Variants in PCDH15 observed in about 807,000 individuals in gnomAD.
PCDH15 encodes protocadherin related 15, also known as protocadherin-15.
PCDH15 carries 129 observed loss-of-function variants against 178.5 expected under a neutral mutation model. The ratio of observed to expected loss-of-function variants is 0.72; its 90% confidence interval spans 0.63 to 0.84. The LOEUF (loss-of-function observed/expected upper bound fraction) is 0.84. PCDH15 is among the 40% of genes least tolerant of loss of function. The pLI, the probability that PCDH15 is intolerant of heterozygous loss-of-function variation, is 0.00. For synonymous variants in PCDH15, 800 were observed against 732.0 expected, an observed-to-expected ratio of 1.09 and a Z score of -1.50; for missense variants, 2,230 against 2,099.9, an observed-to-expected ratio of 1.06 and a Z score of -1.21.
chr10:54,784,983 C>T (rs1950707130), intron 1 of PCDH15, among the ~76,000 whole-genome samples: 1 of 151,816 alleles, frequency 6.6e-6, no homozygotes, highest in East Asian at 1.9e-4. Flanking sequence ...GTCATCAGTC[C>T]TTCTCTAAGC....
At chr10:54,092,349 A>G (rs1345326199) in intron 15 of PCDH15, among the ~76,000 whole-genome samples, 1 of 152,142 alleles carries the variant, frequency 6.6e-6, no homozygotes, top group Non-Finnish European at 1.5e-5. Context: ...TCCTCACAAT[A>G]GTCAATTTTC....
chr10:54,088,073 A>C (rs552739896), intron 16 of PCDH15, among the ~76,000 whole-genome samples: 1 of 152,282 alleles, frequency 6.6e-6, no homozygotes, highest in Non-Finnish European at 1.5e-5. Flanking sequence ...ACCGTGAGGC[A>C]ATTCAACCTC....
At chr10:54,205,555 C>T (rs545375797) in intron 10 of PCDH15, among the ~76,000 whole-genome samples, 3 of 143,768 alleles carry the variant, frequency 2.1e-5, no homozygotes, top group East Asian at 3.9e-4. Context: ...ATAACCTGTG[C>T]TCCATGAATC....
chr10:54,961,092 C>A (rs1420019418), intron 2 of PCDH15, among the ~76,000 whole-genome samples: 4 of 152,206 alleles, frequency 2.6e-5, no homozygotes, highest in South Asian at 2.1e-4. Context: ...GTTGTGACTG[C>A]CCGTCTGGAG....
intron 18 of PCDH15, among the ~76,000 whole-genome samples, chr10:54,030,414 G>A (rs531916437): frequency 1.4e-5 from 2 of 147,186 alleles, no homozygotes; most frequent in African/African-American, 2.5e-5. Flanking sequence ...TTCAAGGGCT[G>A]TGATTATTAG....
intron 37 of PCDH15, among the ~76,000 whole-genome samples, chr10:53,809,794 C>A (rs2075800016): frequency 6.6e-6 from 1 of 152,112 alleles, no homozygotes; most frequent in Non-Finnish European, 1.5e-5. Context: ...TCTTGTTACT[C>A]AACGTTTAAT....
At chr10:55,241,921 A>G (rs1422148024) in intron 1 of PCDH15, among the ~76,000 whole-genome samples, 1 of 152,228 alleles carries the variant, frequency 6.6e-6, no homozygotes, top group East Asian at 1.9e-4. Context: ...ATAGATTCAA[A>G]ACTCATAAAA....
intron 2 of PCDH15, among the ~76,000 whole-genome samples, chr10:55,530,412 A>G (rs1226280943): frequency 2.0e-5 from 3 of 151,998 alleles, no homozygotes; most frequent in Non-Finnish European, 4.4e-5. Flanking sequence ...CACCATTACT[A>G]TGACATCTAA....
chr10:54,690,310 CTTT>C (rs71014404), intron 1 of PCDH15, among the ~76,000 whole-genome samples: 32 of 126,130 alleles, frequency 2.5e-4, no homozygotes, highest in Non-Finnish European at 4.8e-4. Flanking sequence ...ACAAGACTAC[CTTT>C]TTTTTTTTTT....
At chr10:53,919,987 A>G (rs1030307075) in intron 25 of PCDH15, among the ~76,000 whole-genome samples, 3 of 152,162 alleles carry the variant, frequency 2.0e-5, no homozygotes, top group Admixed American at 6.5e-5. Flanking sequence ...GAATATGTAG[A>G]TAATCTGGTT....
At chr10:54,201,703 A>G (rs2050246576) in intron 10 of PCDH15, among the ~76,000 whole-genome samples, 1 of 152,178 alleles carries the variant, frequency 6.6e-6, no homozygotes, top group Non-Finnish European at 1.5e-5. Context: ...AGTGATTGTG[A>G]CATCATTCTA....
At chr10:53,834,903 T>C (rs535907375) in intron 29 of PCDH15, among the ~76,000 whole-genome samples, 2 of 152,304 alleles carry the variant, frequency 1.3e-5, no homozygotes, top group East Asian at 3.9e-4. Flanking sequence ...GAGCAGGAGA[T>C]TGTACTCTAG....
chr10:53,860,472 T>A (rs184171521), intron 27 of PCDH15, among the ~76,000 whole-genome samples: 3 of 152,286 alleles, frequency 2.0e-5, no homozygotes. Flanking sequence ...GCCTCACACC[T>A]GTAATCACAG....
intron 1 of PCDH15, among the ~76,000 whole-genome samples, chr10:54,696,590 C>A (rs1189015151): frequency 2.0e-5 from 3 of 151,696 alleles, no homozygotes; most frequent in Non-Finnish European, 2.9e-5. Context: ...ATGGGGAAAT[C>A]TTTCATGAAA....
chr10:54,333,614 A>G (rs2133954010), intron 6 of PCDH15, among the ~76,000 whole-genome samples: 1 of 151,638 alleles, frequency 6.6e-6, no homozygotes, highest in South Asian at 2.1e-4. Flanking sequence ...ATTTTTTAAT[A>G]AATAAATACA....
intron 2 of PCDH15, 35 bp from the exon 3 acceptor site, chr10:54,527,912 CT>C: frequency 6.5e-7 from 1 of 1,537,426 alleles, no homozygotes; most frequent in South Asian, 1.1e-5. Flanking sequence ...TAATAATTGA[CT>C]GCAGGGGCAC....
rs550697264 is a variant in PCDH15 at position 55,528,359 on chromosome 10, A to C, written c.-156+99266T>G. Among the ~76,000 whole-genome samples the C allele has an allele frequency of 2.0e-5, 3 of 152,058 alleles. No homozygotes were observed. The South Asian group carries it at 6.2e-4, about 32-fold the overall frequency. ...CTCATTTACATTAGGCATATCTCCT[A>C]ATGCTATCCCTCACCCCTCTCCACA... On this transcript the variant is annotated intron_variant, in intron 2 of 5. Coordinates refer to the PCDH15 transcript ENST00000613346.
intron 3 of PCDH15, among the ~76,000 whole-genome samples, chr10:54,405,699 A>T (rs199979555): frequency 1.1e-4 from 16 of 144,500 alleles, no homozygotes; most frequent in African/African-American, 3.3e-4. Flanking sequence ...AAGTTAAATT[A>T]AAAAAAAAAA....
At chr10:54,267,440 C>G (rs1342987376) in intron 8 of PCDH15, among the ~76,000 whole-genome samples, 1 of 151,744 alleles carries the variant, frequency 6.6e-6, no homozygotes, top group Non-Finnish European at 1.5e-5. Flanking sequence ...CGACCAACAG[C>G]AAGAAATAAT....
Sources: allele counts gnomAD v4.1 joint callset (sites outside exome capture counted in the v4.1 genomes callset), GRCh38; gene constraint gnomAD v4.1.1; transcripts MANE v1.5; gene names NCBI Gene and HGNC (gene_info 2026-07-23, HGNC 2026-07-21).